The following TCOF1 variants were observed in gnomAD, a reference collection of about 807,000 sequenced individuals.
The protein encoded by TCOF1 is treacle ribosome biogenesis factor 1.
Under a neutral mutation model 149.0 loss-of-function variants are expected in TCOF1, and 33 were observed. The ratio of observed to expected loss-of-function variants is 0.22; its 90% CI spans 0.17 to 0.30. The LOEUF is 0.30. Among genes scored for constraint, TCOF1 ranks in the 10% least tolerant of loss-of-function variants. The probability of loss-of-function intolerance (pLI) is 1.00; values close to 1 mark genes in which losing one functional copy is unlikely to be tolerated. For missense variants in TCOF1, 1,728 were observed against 1,840.7 expected (o/e 0.94, Z 1.12); for synonymous variants, 789 against 738.8 (o/e 1.07, Z -1.10).
intron 16 of TCOF1, 39 bp downstream of exon 16, chr5:150,379,447 T>C (rs1031696551): frequency 1.2e-5 from 20 of 1,613,736 alleles, no homozygotes; most frequent in African/African-American, 4.0e-5. Flanking sequence ...CTACATGGGA[T>C]GTAACACCTT....
chr5:150,376,542 G>A lies in TCOF1; in HGVS notation c.2262G>A (p.Val754=), dbSNP rs1763848887. ...PGKTGPTVTQ[V]KAEKQEDSES... is the part of the protein sequence containing the mutation. The stretch of plus-strand genomic sequence containing the variant: ...AGACGGGGCCTACAGTCACCCAGGT[G>A]AAAGCTGAAAAGCAGGAAGACTCTG... Residue 754 remains valine (V), a synonymous_variant, in exon 14 of 27, where the codon GTG becomes GTA. Coordinates refer to ENST00000643257, the MANE Select transcript of TCOF1 (RefSeq NM_001371623.1). 4.4e-6 allele frequency: 7 copies of A among 1,607,978 alleles called. No individual in the cohort carries two copies. Among genetic ancestry groups the A allele is most frequent in the Non-Finnish European group, 5.9e-6 (7 of 1,177,042 alleles).
At chr5:150,382,194 A>C (rs1388376013) in intron 17 of TCOF1, among the ~76,000 whole-genome samples, 1 of 152,008 alleles carries the variant, frequency 6.6e-6, no homozygotes, top group Non-Finnish European at 1.5e-5. Context: ...GGGTAGACTT[A>C]AGGCTACTCA....
chr5:150,393,333 T>G (rs1581210033), intron 22 of TCOF1, 39 bp from the exon 23 acceptor site: 2 of 1,612,898 alleles, frequency 1.2e-6, no homozygotes, highest in Non-Finnish European at 8.5e-7. Flanking sequence ...GGCAGTGGGG[T>G]GGGGTGGTGG....
Position 150,389,983 on chromosome 5 carries a change from G to A in TCOF1, c.3143G>A (p.Arg1048Gln), listed in dbSNP as rs1307290166. Residue 1048 changes from arginine to glutamine, a missense_variant, in exon 19 of 27, where the codon CGG becomes CAG. Arg to Gln is a conservative substitution (Grantham distance 43). This residue lies in a region of TCOF1 where 1,696 missense variants were observed against 1,765.4 expected (regional missense o/e 0.96). Transcript: ENST00000643257. ...GCCAGCAGCAGCAAGGAGTCCAGTCGGATATCAGATGGCAAGAAACAGGAG... is the reference window on the plus strand; with the variant it reads ...GCCAGCAGCAGCAAGGAGTCCAGTCAGATATCAGATGGCAAGAAACAGGAG... Reference protein sequence around the residue: ...AGASSSKESSRISDGKKQEGP... With the variant: ...AGASSSKESSQISDGKKQEGP... The A allele has an allele frequency of 1.9e-5, 31 of 1,613,768 alleles. No homozygotes were observed. The highest frequency in any genetic ancestry group is 6.6e-5 in the South Asian group (6 of 91,058).
chr5:150,378,853 T>C (rs1764386309), intron 14 of TCOF1, 52 bp from the exon 15 acceptor site: 1 of 1,613,536 alleles, frequency 6.2e-7, no homozygotes, highest in Non-Finnish European at 8.5e-7. Flanking sequence ...CTTGGCTAGC[T>C]GCTTTACTCA....
intron 14 of TCOF1, among the ~76,000 whole-genome samples, chr5:150,377,359 C>A (rs1234497641): frequency 6.6e-6 from 1 of 152,138 alleles, no homozygotes; most frequent in Non-Finnish European, 1.5e-5. Context: ...CCTGCTACAC[C>A]CAGCAAGGGA....
At chr5:150,394,464 T>C (rs539506772) in intron 23 of TCOF1, 2 of 152,394 alleles carry the variant, frequency 1.3e-5, no homozygotes, top group East Asian at 3.9e-4. Context: ...AGTCACATTG[T>C]ATTTGGAGGG....
In TCOF1 at chr5:150,393,451, C is replaced by T. The variant is rs1554079581; in HGVS notation, c.3683C>T (p.Ser1228Phe). 6.2e-7 allele frequency: 1 copy of T among 1,614,196 alleles called. No homozygotes were observed. The highest frequency in any genetic ancestry group is 8.5e-7 in the Non-Finnish European group (1 of 1,180,032). Residue 1228 changes from serine to phenylalanine, a missense_variant, in exon 23 of 27, where the codon TCC (serine) becomes TTC (phenylalanine). Ser to Phe is a radical substitution (Grantham distance 155). This residue lies in a region of TCOF1 where 1,696 missense variants were observed against 1,765.4 expected (regional missense o/e 0.96). Transcript: ENST00000643257. ...TCAAAAGCCACTCCCAAGCTAGACT[C>T]CAGCCCCTCAGTTTCCTCTACTCTG... Reference protein sequence around the residue: ...QASKATPKLDSSPSVSSTLAA... With the variant: ...QASKATPKLDFSPSVSSTLAA...
intron 17 of TCOF1, among the ~76,000 whole-genome samples, chr5:150,381,838 A>G (rs2150876650): frequency 6.6e-6 from 1 of 152,322 alleles, no homozygotes; most frequent in South Asian, 2.1e-4. Flanking sequence ...AGTGGTAACC[A>G]GATTTCTTCA....
chr5:150,399,108 A>C, intron 26 of TCOF1, 38 bp downstream of exon 26: 3 of 1,613,646 alleles, frequency 1.9e-6, no homozygotes, highest in Non-Finnish European at 2.5e-6. Context: ...TCAGGGTGGG[A>C]GGACAGCTCT....
At chr5:150,391,080 T>C (rs1182799582) in intron 19 of TCOF1, among the ~76,000 whole-genome samples, 1 of 152,004 alleles carries the variant, frequency 6.6e-6, no homozygotes, top group Non-Finnish European at 1.5e-5. Context: ...TACCAGGTCT[T>C]CGGGGGAAGC....
chr5:150,367,206 G>C (rs1406681473), intron 3 of TCOF1, among the ~76,000 whole-genome samples: 1 of 152,178 alleles, frequency 6.6e-6, no homozygotes, highest in East Asian at 1.9e-4. Flanking sequence ...TCAGGAGGCT[G>C]AGGCAGGAGA....
In TCOF1 at chr5:150,369,521, A is replaced by C. The variant is rs376084603; in HGVS notation, c.566-8A>C. The C allele has an allele frequency of 6.2e-7, 1 of 1,613,890 alleles. No homozygotes were observed. Among genetic ancestry groups the C allele is most frequent in the Non-Finnish European group, 8.5e-7 (1 of 1,180,006 alleles). On this transcript the variant is annotated splice_region_variant and splice_polypyrimidine_tract_variant and intron_variant, in intron 5 of 26. Coordinates refer to ENST00000643257, the MANE Select transcript of TCOF1 (RefSeq NM_001371623.1). ...AGTCCCTCAGTCCCCTCCGTGTCCG[A>C]TCCTCAGGGATGGTGTCAGCGGGCC...
chr5:150,365,060 ATATATTT>A (rs1260735685), intron 3 of TCOF1: 2 of 151,548 alleles, frequency 1.3e-5, no homozygotes, highest in Non-Finnish European at 2.9e-5. Context: ...CATACTAGGT[ATATATTT>A]TATTATTTTT....
chr5:150,372,349 G>A, intron 7 of TCOF1, 113 bp downstream of exon 7: 1 of 956,740 alleles, frequency 1.0e-6, no homozygotes, highest in Non-Finnish European at 1.6e-6. Context: ...GGACTATGGT[G>A]TGAAGTTGAA....
chr5:150,358,470 CA>C (rs1759196602), intron 1 of TCOF1, among the ~76,000 whole-genome samples: 1 of 152,320 alleles, frequency 6.6e-6, no homozygotes, highest in South Asian at 2.1e-4. Flanking sequence ...CTGGAGCTTA[CA>C]CTCTAGTAAG....
At position 150,376,181 on chromosome 5, in the gene TCOF1, G is replaced by A. The variant is rs2071240; in HGVS notation, c.1993G>A (p.Ala665Thr). Reference sequence around the variant, plus strand: ...CGCCCCTGTGCGAGTGGGCACCCAAGCCCCCCGGAAAGCAGGAACTGCGAC... The same window carrying A: ...CGCCCCTGTGCGAGTGGGCACCCAAACCCCCCGGAAAGCAGGAACTGCGAC... The part of the protein sequence containing the change: ...KVAPVRVGTQ[A>T]PRKAGTATSP... The change falls in exon 13 of 27, where the codon GCC (alanine) becomes ACC (threonine). Residue 665 changes from alanine (A) to threonine (T), a missense_variant. Around this residue, in one of 2 missense-constraint regions of TCOF1, gnomAD observed 1,696 missense variants for 1,765.4 expected, o/e 0.96. Coordinates refer to ENST00000643257, the MANE Select transcript of TCOF1 (RefSeq NM_001371623.1). The A allele has an allele frequency of 3.1e-6, 5 of 1,614,062 alleles. No homozygotes were observed. The highest frequency in any genetic ancestry group is 8.5e-7 in the Non-Finnish European group (1 of 1,180,036).
chr5:150,398,317 C>T, intron 24 of TCOF1, 37 bp from the exon 25 acceptor site: 2 of 1,612,022 alleles, frequency 1.2e-6, no homozygotes, highest in South Asian at 1.1e-5. Flanking sequence ...TTAGGATTAC[C>T]ATCTGTTGTT....
chr5:150,377,891 A>G (rs1242288485), intron 14 of TCOF1, among the ~76,000 whole-genome samples: 1 of 152,172 alleles, frequency 6.6e-6, no homozygotes, highest in Non-Finnish European at 1.5e-5. Context: ...GGGATTACCC[A>G]GGTTTCTTTT....
Sources: gnomAD v4.1 joint callset for allele counts (sites outside exome capture counted in the v4.1 genomes callset) on GRCh38, gnomAD v4.1.1 for gene constraint, gnomAD v4.1.1 regional missense constraint, MANE v1.5 for transcripts, NCBI Gene and HGNC (gene_info 2026-07-23, HGNC 2026-07-21) for gene names.